IL6ST: variants seen among roughly 807,000 people sequenced by gnomAD.
IL6ST encodes the protein interleukin 6 cytokine family signal transducer.
In IL6ST, 24 loss-of-function variants were observed where a neutral mutation model predicts 91.3. The observed-to-expected ratio is 0.26, with a 90% CI of 0.19 to 0.37. The LOEUF is 0.37. Among genes scored for constraint, IL6ST ranks in the 10% least tolerant of loss-of-function variants. The pLI is 1.00. For synonymous variants in IL6ST, 351 were observed against 373.6 expected, an observed-to-expected ratio of 0.94 and a Z score of 0.70; for missense variants, 914 against 1,078.5, an observed-to-expected ratio of 0.85 and a Z score of 2.14.
At chr5:55,990,968 CTA>C (rs1307594117) in intron 1 of IL6ST, among the ~76,000 whole-genome samples, 3 of 150,772 alleles carry the variant, frequency 2.0e-5, no homozygotes, top group Non-Finnish European at 4.4e-5. Context: ...CAATTCTCAC[CTA>C]TGAGTGAGAA....
chr5:55,979,573 C>T (rs1753522380), intron 2 of IL6ST, among the ~76,000 whole-genome samples: 1 of 152,152 alleles, frequency 6.6e-6, no homozygotes, highest in Non-Finnish European at 1.5e-5. Flanking sequence ...TGAGACTAAG[C>T]AACGAAAGTA....
rs372003829 is a variant in IL6ST, at chr5:55,954,575, G to A, written c.1450+235C>T. On this transcript the variant is annotated intron_variant, in intron 11 of 16. Transcript: ENST00000381298. ...ATAGTTTTAGGAGTTTTCCCTTGAC[G>A]ATAAAATCATATTGGGGTACAAAAA... Among the ~76,000 whole-genome samples, 56 of 152,224 alleles carry A rather than the reference G, an allele frequency of 3.7e-4. 1 individual carries two copies. In the East Asian group the frequency reaches 5.4e-3, roughly 15 times the overall value.
At chr5:55,989,266 G>A (rs1438926497) in intron 1 of IL6ST, among the ~76,000 whole-genome samples, 1 of 151,122 alleles carries the variant, frequency 6.6e-6, no homozygotes, top group Non-Finnish European at 1.5e-5. Context: ...GTGTATATAA[G>A]AATTTAGTAT....
At chr5:55,942,928 A>T (rs572782649) in intron 15 of IL6ST, among the ~76,000 whole-genome samples, 177 bp from the exon 16 acceptor site, 2 of 152,324 alleles carry the variant, frequency 1.3e-5, no homozygotes, top group African/African-American at 4.8e-5. Flanking sequence ...ATAGAAAAAT[A>T]CTGTTGAAAA....
At chr5:55,955,217 C>T (rs1014234342) in intron 10 of IL6ST, among the ~76,000 whole-genome samples, 1 of 152,148 alleles carries the variant, frequency 6.6e-6, no homozygotes, top group South Asian at 2.1e-4. Flanking sequence ...CAACATTTTA[C>T]GAGGCCAAGG....
rs77594722 is a variant in IL6ST at position 55,979,998 on chromosome 5, T to C, written c.-16+2726A>G. ...GAAACATAAAGTTATCTAAAATACA[T>C]TGTTACATTGTTAAGGTACAGAACA... is the stretch of plus-strand genomic sequence containing the variant. On this transcript the variant is annotated intron_variant, in intron 2 of 16. Coordinates refer to ENST00000381298, the MANE Select transcript of IL6ST (RefSeq NM_002184.4). 4.2e-3 allele frequency among the ~76,000 whole-genome samples: 634 copies of C among 152,344 alleles called. 4 individuals are homozygous for C. Among genetic ancestry groups the C allele is most frequent in the Non-Finnish European group, 6.0e-3 (405 of 68,026 alleles).
At position 55,936,381 on chromosome 5, in the gene IL6ST, G is replaced by A. The variant is rs888846035; in HGVS notation, c.*4701C>T. 6 of 222,658 alleles carry A rather than the reference G, an allele frequency of 2.7e-5. No homozygotes were observed. The highest frequency in any genetic ancestry group is 5.8e-5 in the Admixed American group (1 of 17,276). The allele number at this position is 222,658 out of a possible 1,614,324, so 13.8% of individuals were successfully genotyped here. A position where few individuals can be genotyped will look rare whatever the true frequency, so the allele number is the denominator to read the frequency against. On this transcript the variant is annotated 3_prime_UTR_variant, in exon 17 of 17. Transcript: ENST00000381298. Reference sequence around the variant, plus strand: ...TTTTTTTTTAATGTCCACTAGGAGGGAGGATGCTACGATTTCAGACCTCAG... The same window carrying A: ...TTTTTTTTTAATGTCCACTAGGAGGAAGGATGCTACGATTTCAGACCTCAG...
chr5:55,963,249 C>T, intron 7 of IL6ST, 103 bp downstream of exon 7: 1 of 808,552 alleles, frequency 1.2e-6, no homozygotes, highest in Non-Finnish European at 2.0e-6. Flanking sequence ...CAAAATATTT[C>T]ACATAACCAG....
Position 55,951,356 on chromosome 5 carries a change from A to G in IL6ST, c.1840+108T>C, listed in dbSNP as rs529068523. ...ACCAAAGCCAGATAATATAAAAATC[A>G]TCATGAATCCAAAGATGTACTTTTT... On this transcript the variant is annotated intron_variant, in intron 14 of 16. Coordinates refer to ENST00000381298, the MANE Select transcript of IL6ST (RefSeq NM_002184.4). 3 of 837,170 alleles carry G rather than the reference A, an allele frequency of 3.6e-6. No individual in the cohort carries two copies. In the South Asian group the frequency reaches 5.2e-5, roughly 14 times the overall value. The allele number at this position is 837,170 out of a possible 1,614,324, so 51.9% of individuals were successfully genotyped here. A position where few individuals can be genotyped will look rare whatever the true frequency, so the allele number is the denominator to read the frequency against.
At chr5:55,962,869 T>A (rs561447967) in intron 7 of IL6ST, among the ~76,000 whole-genome samples, 1 of 152,230 alleles carries the variant, frequency 6.6e-6, no homozygotes, top group South Asian at 2.1e-4. Context: ...AATCCCAGCA[T>A]TTTGGGAGGC....
At chr5:55,978,980 C>T (rs1430114264) in intron 2 of IL6ST, among the ~76,000 whole-genome samples, 1 of 152,054 alleles carries the variant, frequency 6.6e-6, no homozygotes, top group Non-Finnish European at 1.5e-5. Context: ...TAAAATCAAC[C>T]AAATATCTAT....
intron 1 of IL6ST, among the ~76,000 whole-genome samples, chr5:55,992,399 T>C (rs1754384823): frequency 6.6e-6 from 1 of 152,174 alleles, no homozygotes; most frequent in Non-Finnish European, 1.5e-5. Context: ...ATGTATGACC[T>C]TTAGATCTAC....
intron 15 of IL6ST, among the ~76,000 whole-genome samples, 156 bp downstream of exon 15, chr5:55,947,337 A>G (rs1345238385): frequency 6.6e-6 from 1 of 152,148 alleles, no homozygotes; most frequent in African/African-American, 2.4e-5. Flanking sequence ...AAGTGATGAA[A>G]ATGTTCTATA....
intron 14 of IL6ST, among the ~76,000 whole-genome samples, chr5:55,949,229 A>G (rs1346095872): frequency 6.6e-6 from 1 of 152,108 alleles, no homozygotes; most frequent in Admixed American, 6.6e-5. Flanking sequence ...GTAATCCGGC[A>G]CTCTGGGAGG....
Position 55,951,922 on chromosome 5 carries a change from T to A in IL6ST, c.1699+7A>T, listed in dbSNP as rs753212255. ...CTGATTCTTAATAACTGATACAGTT[T>A]TATTACCAGTTTCATTTCCAATGAT... On this transcript the variant is annotated splice_region_variant and intron_variant, in intron 13 of 16. Coordinates refer to ENST00000381298, the MANE Select transcript of IL6ST (RefSeq NM_002184.4). The A allele has an allele frequency of 7.2e-7, 1 of 1,389,812 alleles. No homozygotes were observed. Among genetic ancestry groups the A allele is most frequent in the South Asian group, 1.2e-5 (1 of 82,788 alleles). 86.1% of individuals were successfully genotyped at this position (1,389,812 alleles called of 1,614,324 possible).
intron 10 of IL6ST, among the ~76,000 whole-genome samples, chr5:55,955,332 C>G (rs1751889725): frequency 6.6e-6 from 1 of 152,132 alleles, no homozygotes; most frequent in Admixed American, 6.5e-5. Context: ...TGGTGCGTGC[C>G]TTTAATTCCA....
At chr5:55,970,133 G>T (rs192591602) in intron 3 of IL6ST, among the ~76,000 whole-genome samples, 1 of 152,124 alleles carries the variant, frequency 6.6e-6, no homozygotes, top group Non-Finnish European at 1.5e-5. Flanking sequence ...AAGAAACACA[G>T]ACTGCCTGCA....
chr5:55,986,917 C>G (rs1754007465), intron 1 of IL6ST, among the ~76,000 whole-genome samples: 1 of 152,218 alleles, frequency 6.6e-6, no homozygotes, highest in Admixed American at 6.5e-5. Flanking sequence ...GAAATCCCAT[C>G]ACTCTGGGAG....
chr5:55,982,748 A>T lies in IL6ST; in HGVS notation c.-40T>A, dbSNP rs559800499. 99 of 398,404 alleles carry T rather than the reference A, an allele frequency of 2.5e-4. No homozygotes were observed. The highest frequency in any genetic ancestry group is 1.8e-3 in the African/African-American group (90 of 48,746). 24.7% of individuals were successfully genotyped at this position (398,404 alleles called of 1,614,324 possible). ...CCCAAATCACAAAATTAGTAAGTGA[A>T]GGAGTAGGGATTTGAAGCTAAGTCT... On this transcript the variant is annotated 5_prime_UTR_variant, in exon 2 of 17. Coordinates refer to ENST00000381298, the MANE Select transcript of IL6ST (RefSeq NM_002184.4).
Sources: gnomAD v4.1 joint callset for allele counts (sites outside exome capture counted in the v4.1 genomes callset) on GRCh38, gnomAD v4.1.1 for gene constraint, MANE v1.5 for transcripts, NCBI Gene and HGNC (gene_info 2026-07-23, HGNC 2026-07-21) for gene names.